SKIL: variants seen among roughly 807,000 people sequenced by gnomAD.
SKIL encodes the protein ski-like protein.
SKIL carries 20 observed loss-of-function variants against 69.6 expected under a neutral mutation model. The observed-to-expected ratio is 0.29, with a 90% CI of 0.20 to 0.42. The LOEUF (loss-of-function observed/expected upper bound fraction) is 0.42. Ranked by LOEUF, SKIL falls within the 10% of genes least tolerant of loss-of-function variation. The probability of loss-of-function intolerance (pLI) is 1.00; values close to 1 mark genes in which losing one functional copy is unlikely to be tolerated. For missense variants in SKIL, 745 were observed against 783.1 expected, an observed-to-expected ratio of 0.95 and a Z score of 0.58; for synonymous variants, 310 against 279.9, an observed-to-expected ratio of 1.11 and a Z score of -1.08.
At chr3:170,376,357 C>A (rs942978606) in intron 2 of SKIL, among the ~76,000 whole-genome samples, 1 of 152,066 alleles carries the variant, frequency 6.6e-6, no homozygotes, top group African/African-American at 2.4e-5. Flanking sequence ...TCAAACTGAT[C>A]TTAAATTTTA....
At position 170,394,256 on chromosome 3, in the gene SKIL, A is replaced by G. The variant is rs959667153; in HGVS notation, c.*1839A>G. 1.3e-5 allele frequency: 2 copies of G among 150,632 alleles called. No individual in the cohort carries two copies. Among genetic ancestry groups the G allele is most frequent in the African/African-American group, 4.9e-5 (2 of 40,834 alleles). 9.3% of individuals were successfully genotyped at this position (150,632 alleles called of 1,614,324 possible). A position where few individuals can be genotyped will look rare whatever the true frequency, so the allele number is the denominator to read the frequency against. ...ATTCTCCTGCCTCAGCCTCCCGAGT[A>G]GCTGGGACTACAGGCACCCACCACC... On this transcript the variant is annotated 3_prime_UTR_variant, in exon 7 of 7. Transcript: ENST00000259119.
At chr3:170,366,450 TGGGTGGATCACCTGAGGTCA>T (rs1453134655) in intron 2 of SKIL, among the ~76,000 whole-genome samples, 1 of 151,870 alleles carries the variant, frequency 6.6e-6, no homozygotes, top group African/African-American at 2.4e-5. Context: ...GAGGCTGAGT[TGGGTGGATCACCTGAGGTCA>T]GGGGTTCGGG....
chr3:170,382,987 T>C (rs574315301), intron 3 of SKIL, among the ~76,000 whole-genome samples: 1 of 152,296 alleles, frequency 6.6e-6, no homozygotes, highest in South Asian at 2.1e-4. Context: ...CCCAAAGTGC[T>C]GGGATTACAG....
At position 170,393,338 on chromosome 3, in the gene SKIL, A is replaced by G. The variant is rs1288932240; in HGVS notation, c.*921A>G. On this transcript the variant is annotated 3_prime_UTR_variant, in exon 7 of 7. Transcript: ENST00000259119. ...GACTTGTTTTCCTTTAAGTTGTAAA[A>G]TGTTAAACACCTTGAAGGTTATTTT... 2.6e-5 allele frequency: 4 copies of G among 152,268 alleles called. No homozygotes were observed. The highest frequency in any genetic ancestry group is 1.3e-4 in the Admixed American group (2 of 15,288). The allele number at this position is 152,268 out of a possible 1,614,324, so 9.4% of individuals were successfully genotyped here. A position where few individuals can be genotyped will look rare whatever the true frequency, so the allele number is the denominator to read the frequency against.
chr3:170,384,685 C>A lies in SKIL; in HGVS notation c.1349C>A (p.Thr450Lys), dbSNP rs1437935980. Residue 450 changes from threonine (T) to lysine (K), a missense_variant, in exon 4 of 7, where the codon ACA (threonine) becomes AAA (lysine). Thr to Lys is a moderately conservative substitution (Grantham distance 78). Coordinates refer to ENST00000259119, the MANE Select transcript of SKIL (RefSeq NM_005414.5). ...CACAGTAGTGGTAAACTTCAAAAAACAGTGTCTTATCCAGATGTCTCACTT... is the reference window on the plus strand; with the variant it reads ...CACAGTAGTGGTAAACTTCAAAAAAAAGTGTCTTATCCAGATGTCTCACTT... Reference protein sequence around the residue: ...KAHSSGKLQKTVSYPDVSLEE... With the variant: ...KAHSSGKLQKKVSYPDVSLEE... 6.2e-7 allele frequency: 1 copy of A among 1,612,932 alleles called. No homozygotes were observed. The highest frequency in any genetic ancestry group is 1.3e-5 in the African/African-American group (1 of 74,914).
chr3:170,387,430 C>CA (rs1737692012), intron 4 of SKIL, among the ~76,000 whole-genome samples: 1 of 152,078 alleles, frequency 6.6e-6, no homozygotes, highest in African/African-American at 2.4e-5. Context: ...AGGAATTGTA[C>CA]AATATGTGGC....
Position 170,396,532 on chromosome 3 carries a change from A to G in SKIL, c.*4115A>G, listed in dbSNP as rs1430389032. 6.6e-6 allele frequency: 1 copy of G among 152,214 alleles called. No homozygotes were observed. The highest frequency in any genetic ancestry group is 1.9e-4 in the East Asian group (1 of 5,202). The allele number at this position is 152,214 out of a possible 1,614,324, so 9.4% of individuals were successfully genotyped here. On this transcript the variant is annotated 3_prime_UTR_variant, in exon 7 of 7. Coordinates refer to ENST00000259119, the MANE Select transcript of SKIL (RefSeq NM_005414.5). ...CTACATTGACCATAATTAAAGTTAAAATTTTGCCAATGATGTACAGTTTTA... is the reference window on the plus strand; with the variant it reads ...CTACATTGACCATAATTAAAGTTAAGATTTTGCCAATGATGTACAGTTTTA...
chr3:170,384,510 GT>G, intron 3 of SKIL, 22 bp from the exon 4 acceptor site: 1 of 1,102,188 alleles, frequency 9.1e-7, no homozygotes, highest in South Asian at 1.4e-5. Flanking sequence ...TATATGTCTT[GT>G]TTTGCTTTTA....
chr3:170,389,249 A>G (rs1366942372), intron 4 of SKIL, among the ~76,000 whole-genome samples: 1 of 151,926 alleles, frequency 6.6e-6, no homozygotes, highest in African/African-American at 2.4e-5. Context: ...TGTATACAGC[A>G]TAAGGTCCAA....
chr3:170,384,371 T>C (rs530546580), intron 3 of SKIL, among the ~76,000 whole-genome samples, 162 bp from the exon 4 acceptor site: 8 of 152,290 alleles, frequency 5.3e-5, no homozygotes, highest in Non-Finnish European at 1.0e-4. Context: ...TTGATTTTTT[T>C]CCTAAGAATT....
At chr3:170,388,458 T>A (rs1022075580) in intron 4 of SKIL, among the ~76,000 whole-genome samples, 1 of 149,882 alleles carries the variant, frequency 6.7e-6, no homozygotes, top group Admixed American at 6.7e-5. Flanking sequence ...GTTAGTGTTC[T>A]TTTTTTTTTC....
rs1261099821 is a variant in SKIL, at chr3:170,384,194, A to AT, written c.1197-339_1197-338insT. On this transcript the variant is annotated intron_variant, in intron 3 of 6. Transcript: ENST00000259119. The stretch of plus-strand genomic sequence containing the variant: ...TAGCAAGACCCTATCTCTAAAAAAA[A>AT]ATGGGTATGTGTGGTCCCAGCTACC... 2.0e-5 allele frequency among the ~76,000 whole-genome samples: 3 copies of AT among 152,150 alleles called. No individual in the cohort carries two copies. In the East Asian group the frequency reaches 5.8e-4, roughly 29 times the overall value.
At chr3:170,358,954 T>C (rs984791919) in intron 1 of SKIL, among the ~76,000 whole-genome samples, 8 of 152,226 alleles carry the variant, frequency 5.3e-5, no homozygotes, top group African/African-American at 1.9e-4. Flanking sequence ...GCTGAATTAA[T>C]CCACTTAAAA....
chr3:170,374,575 T>C (rs1736944230), intron 2 of SKIL, among the ~76,000 whole-genome samples: 1 of 152,246 alleles, frequency 6.6e-6, no homozygotes. Flanking sequence ...GCATTACTGC[T>C]GAACCATTTA....
At chr3:170,386,044 G>A (rs1197356485) in intron 4 of SKIL, among the ~76,000 whole-genome samples, 13 of 151,490 alleles carry the variant, frequency 8.6e-5, no homozygotes, top group Non-Finnish European at 1.5e-4. Context: ...CGCCTGCCTC[G>A]GCCTCCCAAC....
At chr3:170,382,222 A>T (rs1737389587) in intron 3 of SKIL, among the ~76,000 whole-genome samples, 1 of 152,218 alleles carries the variant, frequency 6.6e-6, no homozygotes, top group Non-Finnish European at 1.5e-5. Flanking sequence ...TTTCAAAGAA[A>T]GAATCTGAAA....
Position 170,360,862 on chromosome 3 carries a change from A to G in SKIL, c.531A>G (p.Glu177=). 5.0e-6 allele frequency: 8 copies of G among 1,614,176 alleles called. No individual in the cohort carries two copies. The highest frequency in any genetic ancestry group is 2.2e-5 in the East Asian group (1 of 44,886). ...LPQVLNSVLR[E]FTLQQINTVC... ...AAGTCTTAAATTCTGTTCTCCGAGA[A>G]TTTACACTCCAGCAAATAAATACAG... The change falls in exon 2 of 7, where the codon GAA becomes GAG. Residue 177 remains glutamate, a synonymous_variant. Transcript: ENST00000259119.
intron 4 of SKIL, among the ~76,000 whole-genome samples, chr3:170,387,446 A>C (rs1290323316): frequency 6.6e-6 from 1 of 152,008 alleles, no homozygotes; most frequent in Non-Finnish European, 1.5e-5. Context: ...GTGGCTTTTC[A>C]TGTCTGGTCA....
chr3:170,365,741 G>A (rs1475709358), intron 2 of SKIL, among the ~76,000 whole-genome samples: 1 of 129,948 alleles, frequency 7.7e-6, no homozygotes, highest in African/African-American at 3.1e-5. Flanking sequence ...ATTTTAAAAA[G>A]TCAAACTAGG....
Sources: gnomAD v4.1 joint callset for allele counts (sites outside exome capture counted in the v4.1 genomes callset) on GRCh38, gnomAD v4.1.1 for gene constraint, MANE v1.5 for transcripts, NCBI Gene and HGNC (gene_info 2026-07-23, HGNC 2026-07-21) for gene names.